The following N4BP2L2 variants were observed in gnomAD, a reference collection of about 807,000 sequenced individuals.
The protein encoded by N4BP2L2 is NEDD4 binding protein 2 like 2.
In N4BP2L2, 50 loss-of-function variants were observed where a neutral mutation model predicts 56.2. That is an observed-to-expected ratio of 0.89 (90% CI 0.71 to 1.13). The LOEUF (loss-of-function observed/expected upper bound fraction) is 1.13. Among genes scored for constraint, N4BP2L2 ranks in the 50% most tolerant of loss-of-function variants. The pLI, the probability that N4BP2L2 is intolerant of heterozygous loss-of-function variation, is 0.00. For synonymous variants in N4BP2L2, 203 were observed against 223.6 expected, an observed-to-expected ratio of 0.91 and a Z score of 0.82; for missense variants, 689 against 693.8, an observed-to-expected ratio of 0.99 and a Z score of 0.08.
At chr13:32,435,078 C>G (rs1280991938) in intron 9 of N4BP2L2, among the ~76,000 whole-genome samples, 1 of 152,166 alleles carries the variant, frequency 6.6e-6, no homozygotes, top group African/African-American at 2.4e-5. Context: ...TATAATCTAA[C>G]TTCAGTCAGA....
intron 6 of N4BP2L2, among the ~76,000 whole-genome samples, chr13:32,461,754 C>A (rs192183759): frequency 1.3e-5 from 2 of 152,064 alleles, no homozygotes. Flanking sequence ...AGGTGTGCAC[C>A]GTCATGCCTG....
At chr13:32,524,370 T>C (rs768963072) in intron 3 of N4BP2L2, 1 of 152,238 alleles carries the variant, frequency 6.6e-6, no homozygotes, top group Non-Finnish European at 1.5e-5. Flanking sequence ...TTTCTGATTT[T>C]ACGAATGGGG....
intron 6 of N4BP2L2, among the ~76,000 whole-genome samples, chr13:32,461,098 A>G (rs1170524533): frequency 6.6e-6 from 1 of 152,160 alleles, no homozygotes; most frequent in Non-Finnish European, 1.5e-5. Context: ...AGAAAAGTCA[A>G]ATCTCACCAT....
chr13:32,500,825 T>C (rs2089856785), intron 6 of N4BP2L2, among the ~76,000 whole-genome samples: 1 of 151,670 alleles, frequency 6.6e-6, no homozygotes, highest in Admixed American at 6.6e-5. Flanking sequence ...TTCCCTTCTG[T>C]CTACTGAGTC....
chr13:32,472,284 G>C (rs1174714876), intron 6 of N4BP2L2, among the ~76,000 whole-genome samples: 2 of 152,166 alleles, frequency 1.3e-5, no homozygotes, highest in Admixed American at 1.3e-4. Flanking sequence ...TAAAAAAATA[G>C]AGAAATGCTG....
chr13:32,523,295 G>A (rs948012860), intron 3 of N4BP2L2: 2 of 144,150 alleles, frequency 1.4e-5, no homozygotes, highest in African/African-American at 5.1e-5. Flanking sequence ...GGAGGCTGAG[G>A]CACGAGAATC....
At chr13:32,514,478 T>C (rs2048768330) in exon 6 of N4BP2L2, 1 of 152,154 alleles carries the variant, frequency 6.6e-6, no homozygotes, top group Non-Finnish European at 1.5e-5. Context: ...TAATTATTTG[T>C]GATGGAGATG....
At chr13:32,451,976 A>G (rs1397215545) in intron 6 of N4BP2L2, among the ~76,000 whole-genome samples, 1 of 152,208 alleles carries the variant, frequency 6.6e-6, no homozygotes, top group Non-Finnish European at 1.5e-5. Flanking sequence ...CCGAATATTC[A>G]AGGAATTGTT....
chr13:32,535,952 C>G, exon 2 of N4BP2L2: 6 of 1,614,048 alleles, frequency 3.7e-6, no homozygotes, highest in Non-Finnish European at 5.1e-6. Flanking sequence ...ACTCACATAT[C>G]GATCTTGCAT....
intron 6 of N4BP2L2, among the ~76,000 whole-genome samples, chr13:32,488,616 G>A (rs907914014): frequency 6.6e-6 from 1 of 152,104 alleles, no homozygotes; most frequent in African/African-American, 2.4e-5. Context: ...ATAAAGGTAT[G>A]TATATGTGTT....
intron 2 of N4BP2L2, among the ~76,000 whole-genome samples, chr13:32,534,247 T>C (rs935709009): frequency 2.0e-5 from 3 of 152,228 alleles, no homozygotes; most frequent in Non-Finnish European, 2.9e-5. Flanking sequence ...ATACATATTA[T>C]ATCTAATCAC....
intron 6 of N4BP2L2, among the ~76,000 whole-genome samples, chr13:32,463,680 A>G (rs1276037191): frequency 1.3e-5 from 2 of 150,730 alleles, no homozygotes; most frequent in African/African-American, 4.9e-5. Flanking sequence ...AAAAAAAAAA[A>G]AGGGGGCACT....
At chr13:32,469,473 TGCA>T (rs2081894597) in intron 6 of N4BP2L2, among the ~76,000 whole-genome samples, 1 of 152,118 alleles carries the variant, frequency 6.6e-6, no homozygotes, top group Non-Finnish European at 1.5e-5. Context: ...CCCTGTGGGA[TGCA>T]GCGCAGGGAG....
intron 6 of N4BP2L2, among the ~76,000 whole-genome samples, chr13:32,481,294 T>G (rs7335609): frequency 0.057 from 8,709 of 151,744 alleles, 848 homozygotes; most frequent in African/African-American, 0.2. Context: ...TTGAAGAGAG[T>G]GCATAGTCAA....
At chr13:32,453,617 G>T (rs991022225) in intron 6 of N4BP2L2, among the ~76,000 whole-genome samples, 1 of 152,184 alleles carries the variant, frequency 6.6e-6, no homozygotes, top group Non-Finnish European at 1.5e-5. Flanking sequence ...CTCTGAAGTA[G>T]CTGGGACTAT....
At chr13:32,497,207 C>A (rs767375043) in intron 6 of N4BP2L2, among the ~76,000 whole-genome samples, 2 of 152,112 alleles carry the variant, frequency 1.3e-5, no homozygotes, top group African/African-American at 4.8e-5. Context: ...TTGAGGAGAA[C>A]CTCATTTTCC....
chr13:32,489,431 C>T (rs190606918), intron 6 of N4BP2L2, among the ~76,000 whole-genome samples: 14 of 152,074 alleles, frequency 9.2e-5, no homozygotes, highest in Non-Finnish European at 1.6e-4. Context: ...TTATCCTTAG[C>T]CAAATTGTTA....
At chr13:32,470,484 A>G (rs972703269) in intron 6 of N4BP2L2, among the ~76,000 whole-genome samples, 11 of 152,206 alleles carry the variant, frequency 7.2e-5, no homozygotes, top group African/African-American at 2.4e-4. Flanking sequence ...CTGGATGTGC[A>G]TGTGACCACA....
At chr13:32,531,339 C>A (rs752707923) in intron 2 of N4BP2L2, among the ~76,000 whole-genome samples, 3 of 152,156 alleles carry the variant, frequency 2.0e-5, no homozygotes, top group African/African-American at 7.2e-5. Context: ...TAATTTCTCA[C>A]GTAAGAAACA....
Sources: gnomAD v4.1 joint callset for allele counts (sites outside exome capture counted in the v4.1 genomes callset) on GRCh38, gnomAD v4.1.1 for gene constraint, MANE v1.5 for transcripts, NCBI Gene and HGNC (gene_info 2026-07-23, HGNC 2026-07-21) for gene names.